ELAVL2: variants seen among roughly 807,000 people sequenced by gnomAD.
ELAVL2 encodes ELAV like RNA binding protein 2.
In ELAVL2, 4 loss-of-function variants were observed where a neutral mutation model predicts 34.6. That is an observed-to-expected ratio of 0.12 (90% confidence interval 0.06 to 0.26). The LOEUF (loss-of-function observed/expected upper bound fraction) is 0.26. ELAVL2 is among the 10% of genes least tolerant of loss of function. The probability of loss-of-function intolerance (pLI) is 1.00; values close to 1 mark genes in which losing one functional copy is unlikely to be tolerated. For missense variants in ELAVL2, 432 were observed against 442.8 expected (o/e 0.98, Z 0.22); for synonymous variants, 193 against 154.8 (o/e 1.25, Z -1.83).
At chr9:23,729,396 G>A (rs912863177) in intron 3 of ELAVL2, among the ~76,000 whole-genome samples, 6 of 152,000 alleles carry the variant, frequency 3.9e-5, no homozygotes, top group Non-Finnish European at 8.8e-5. Context: ...AAGAGCACAC[G>A]GTCTGACGGT....
In ELAVL2 at chr9:23,825,894, T is replaced by C. The variant is rs1303669954; in HGVS notation, c.-104A>G. 1 of 152,128 alleles carries C rather than the reference T, an allele frequency of 6.6e-6. No individual in the cohort carries two copies. Among genetic ancestry groups the C allele is most frequent in the Non-Finnish European group, 1.5e-5 (1 of 68,040 alleles). 9.4% of individuals were successfully genotyped at this position (152,128 alleles called of 1,614,324 possible). On this transcript the variant is annotated 5_prime_UTR_variant, in exon 1 of 7. Transcript: ENST00000397312. ...GGATGAGCAAGAAGCTGCTGGATAG[T>C]TCTCTTAAGACAGCACGAAACCTAA...
At chr9:23,693,595 A>T in intron 5 of ELAVL2, 109 bp from the exon 6 acceptor site, 4 of 1,290,016 alleles carry the variant, frequency 3.1e-6, no homozygotes, top group Non-Finnish European at 4.5e-6. Flanking sequence ...TACACTGATT[A>T]TATGTGAAGA....
At chr9:23,786,725 T>C (rs1256120178) in intron 1 of ELAVL2, among the ~76,000 whole-genome samples, 1 of 147,920 alleles carries the variant, frequency 6.8e-6, no homozygotes, top group Admixed American at 6.8e-5. Flanking sequence ...GACATTAATG[T>C]TCAAAAAGTA....
chr9:23,743,543 T>G (rs1444990432), intron 2 of ELAVL2, among the ~76,000 whole-genome samples: 1 of 152,198 alleles, frequency 6.6e-6, no homozygotes, highest in Admixed American at 6.5e-5. Context: ...AGGCTTGTCT[T>G]GTCTTTTACC....
intron 1 of ELAVL2, among the ~76,000 whole-genome samples, chr9:23,779,043 G>T (rs1322565833): frequency 1.3e-5 from 2 of 152,166 alleles, no homozygotes; most frequent in African/African-American, 4.8e-5. Context: ...TTTATCCCCA[G>T]GATGAGGCAG....
chr9:23,704,534 A>G (rs1394257243), intron 4 of ELAVL2, among the ~76,000 whole-genome samples: 1 of 152,122 alleles, frequency 6.6e-6, no homozygotes, highest in African/African-American at 2.4e-5. Flanking sequence ...TCCCTTGGAG[A>G]ACTAGCTGCA....
chr9:23,820,625 G>A (rs1440030133), intron 1 of ELAVL2, among the ~76,000 whole-genome samples: 1 of 150,224 alleles, frequency 6.7e-6, no homozygotes, highest in African/African-American at 2.4e-5. Context: ...AGGCTTTTAA[G>A]GAAATGCCGT....
intron 5 of ELAVL2, among the ~76,000 whole-genome samples, chr9:23,700,088 AT>A (rs1157328024): frequency 1.3e-5 from 2 of 152,154 alleles, no homozygotes; most frequent in African/African-American, 2.4e-5. Context: ...AATGAAAAAA[AT>A]AAATGCATAG....
At chr9:23,758,598 T>C (rs1213401135) in intron 2 of ELAVL2, among the ~76,000 whole-genome samples, 1 of 152,100 alleles carries the variant, frequency 6.6e-6, no homozygotes, top group African/African-American at 2.4e-5. Flanking sequence ...CATATGTTAT[T>C]GATGTGAACA....
chr9:23,747,225 C>A (rs933916793), intron 2 of ELAVL2, among the ~76,000 whole-genome samples: 1 of 151,954 alleles, frequency 6.6e-6, no homozygotes, highest in Non-Finnish European at 1.5e-5. Context: ...CATGTACCAG[C>A]CATGGATAAT....
chr9:23,849,216 T>C, the ELAVL2 span, among the ~76,000 whole-genome samples: 12 of 152,278 alleles, frequency 7.9e-5, no homozygotes, highest in Non-Finnish European at 7.4e-5. Flanking sequence ...AGAAGGACTC[T>C]TAAATGAATG....
intron 3 of ELAVL2, among the ~76,000 whole-genome samples, chr9:23,713,688 T>C (rs547429454): frequency 2.0e-5 from 3 of 152,278 alleles, no homozygotes; most frequent in Admixed American, 1.3e-4. Flanking sequence ...GTAATGTGAA[T>C]AGGCTGCAAC....
At chr9:23,724,862 T>C (rs533052483) in intron 3 of ELAVL2, among the ~76,000 whole-genome samples, 7 of 152,238 alleles carry the variant, frequency 4.6e-5, no homozygotes, top group Non-Finnish European at 2.9e-5. Context: ...ACTCCTGGCA[T>C]ATACTTTTTC....
intron 1 of ELAVL2, among the ~76,000 whole-genome samples, chr9:23,822,137 G>A (rs1282976163): frequency 6.6e-6 from 1 of 152,130 alleles, no homozygotes; most frequent in African/African-American, 2.4e-5. Context: ...GGGCGCTAAC[G>A]GGGAGTCAGA....
upstream of ELAVL2, among the ~76,000 whole-genome samples, chr9:23,830,834 G>A (rs948049864): frequency 3.3e-5 from 5 of 151,854 alleles, no homozygotes; most frequent in Non-Finnish European, 5.9e-5. Flanking sequence ...GCAACTTTTA[G>A]GAGGATAAAC....
At chr9:23,706,313 C>T (rs551405456) in intron 3 of ELAVL2, among the ~76,000 whole-genome samples, 5 of 152,316 alleles carry the variant, frequency 3.3e-5, no homozygotes, top group South Asian at 4.1e-4. Flanking sequence ...CATTCTTGGT[C>T]ATCACTGTAT....
intron 3 of ELAVL2, among the ~76,000 whole-genome samples, chr9:23,712,569 C>T (rs1258636010): frequency 1.3e-5 from 2 of 152,168 alleles, no homozygotes; most frequent in East Asian, 3.9e-4. Flanking sequence ...AAAAATCAAA[C>T]TAAGAATCCT....
chr9:23,692,643 T>G lies in ELAVL2; in HGVS notation c.994A>C (p.Met332Leu). ...TATCCATTGAGGCTAGCTATCGCCATGGCAGCCTCATCATAGTTTGTCATA... is the reference window on the plus strand; with the variant it reads ...TATCCATTGAGGCTAGCTATCGCCAGGGCAGCCTCATCATAGTTTGTCATA... ...VTMTNYDEAA[M>L]AIASLNGYRL... is the part of the protein sequence containing the mutation. Residue 332 changes from methionine to leucine, a missense_variant, in exon 7 of 7, where the codon ATG becomes CTG. Coordinates refer to ENST00000397312, the MANE Select transcript of ELAVL2 (RefSeq NM_004432.5). 6.2e-7 allele frequency: 1 copy of G among 1,614,198 alleles called. No individual in the cohort carries two copies. The highest frequency in any genetic ancestry group is 8.5e-7 in the Non-Finnish European group (1 of 1,180,008).
chr9:23,786,802 A>AAAAAAAAAAAAAAAAAAAAAAAAAC (rs1554747169), intron 1 of ELAVL2, among the ~76,000 whole-genome samples: 4 of 127,340 alleles, frequency 3.1e-5, no homozygotes, highest in Admixed American at 8.1e-5. Flanking sequence ...AAAAAAAAAA[A>AAAAAAAAAAAAAAAAAAAAAAAAAC]AGAGAGAGAG....
Sources: gnomAD v4.1 joint callset for allele counts (sites outside exome capture counted in the v4.1 genomes callset) on GRCh38, gnomAD v4.1.1 for gene constraint, MANE v1.5 for transcripts, NCBI Gene and HGNC (gene_info 2026-07-23, HGNC 2026-07-21) for gene names.